PDS5B: variants seen among roughly 807,000 people sequenced by gnomAD.
PDS5B encodes the protein sister chromatid cohesion protein PDS5 homolog B.
In PDS5B, 51 loss-of-function variants were observed where a neutral mutation model predicts 184.1. The observed-to-expected ratio is 0.28, with a 90% CI of 0.22 to 0.35. The LOEUF (loss-of-function observed/expected upper bound fraction) is 0.35, where lower values mean the gene tolerates loss of function less well. Ranked by LOEUF, PDS5B falls within the 10% of genes least tolerant of loss-of-function variation. PDS5B has a pLI of 1.00. For synonymous variants in PDS5B, 566 were observed against 569.2 expected (o/e 0.99, Z 0.08); for missense variants, 1,180 against 1,723.3 (o/e 0.68, Z 5.58).
chr13:32,615,467 T>C (rs1490591713), intron 1 of PDS5B, among the ~76,000 whole-genome samples: 1 of 152,198 alleles, frequency 6.6e-6, no homozygotes, highest in Non-Finnish European at 1.5e-5. Flanking sequence ...CATAATTTAT[T>C]ATATAAAGCA....
At chr13:32,598,770 C>CTTTTTTTT (rs756301581) in intron 1 of PDS5B, among the ~76,000 whole-genome samples, 4 of 126,362 alleles carry the variant, frequency 3.2e-5, no homozygotes, top group African/African-American at 5.9e-5. Flanking sequence ...TTTTTTCTCT[C>CTTTTTTTT]TTTTTTTTTT....
At chr13:32,639,587 G>A (rs408711) in intron 1 of PDS5B, among the ~76,000 whole-genome samples, 36,398 of 152,054 alleles carry the variant, frequency 0.24, 4,676 homozygotes, top group East Asian at 0.37. Flanking sequence ...TTTACTTAGC[G>A]TTTTTTCTCG....
chr13:32,618,319 A>C (rs1286937335), intron 1 of PDS5B, among the ~76,000 whole-genome samples: 1 of 152,238 alleles, frequency 6.6e-6, no homozygotes, highest in African/African-American at 2.4e-5. Context: ...CAGTGATTTC[A>C]GTTACCAGTG....
At position 32,755,829 on chromosome 13, in the gene PDS5B, T is replaced by A; in HGVS notation, c.2942-13T>A. 6 of 1,177,044 alleles carry A rather than the reference T, an allele frequency of 5.1e-6. No homozygotes were observed. Among genetic ancestry groups the A allele is most frequent in the Non-Finnish European group, 7.2e-6 (6 of 828,284 alleles). The allele number at this position is 1,177,044 out of a possible 1,614,324, so 72.9% of individuals were successfully genotyped here. ...TTGTTTTTTTTTGTTTGTTTGTTTG[T>A]TTTCTTTTTCAGAAAAATTATTGTC... On this transcript the variant is annotated splice_polypyrimidine_tract_variant and intron_variant, in intron 25 of 34. Coordinates refer to ENST00000315596, the MANE Select transcript of PDS5B (RefSeq NM_015032.4).
intron 10 of PDS5B, among the ~76,000 whole-genome samples, chr13:32,679,482 A>C (rs900960852): frequency 6.6e-6 from 1 of 152,180 alleles, no homozygotes; most frequent in East Asian, 1.9e-4. Context: ...CTAAAAATAC[A>C]AAAATTAGCT....
At chr13:32,714,912 A>G (rs1952326497) in intron 19 of PDS5B, among the ~76,000 whole-genome samples, 1 of 152,244 alleles carries the variant, frequency 6.6e-6, no homozygotes, top group Non-Finnish European at 1.5e-5. Flanking sequence ...GGAAATCACA[A>G]GAGTATTGAT....
Position 32,655,196 on chromosome 13 carries a change from T to G in PDS5B, c.313-3043T>G, listed in dbSNP as rs1391088118. ...TGCAACCTTGCCAGCATCTGTCATTTTTTTTTTGACTTTTTAACAATAGCC... is the reference window on the plus strand; with the variant it reads ...TGCAACCTTGCCAGCATCTGTCATTGTTTTTTTGACTTTTTAACAATAGCC... On this transcript the variant is annotated intron_variant, in intron 3 of 34. Transcript: ENST00000315596. 6.0e-5 allele frequency among the ~76,000 whole-genome samples: 9 copies of G among 150,864 alleles called. No homozygotes were observed. In the East Asian group the frequency reaches 1.8e-3, roughly 29 times the overall value.
intron 31 of PDS5B, among the ~76,000 whole-genome samples, chr13:32,767,688 C>T (rs1954628173): frequency 6.6e-6 from 1 of 151,852 alleles, no homozygotes; most frequent in Non-Finnish European, 1.5e-5. Context: ...TAGGGAGGAC[C>T]TATATGTAGA....
At chr13:32,610,341 T>C (rs1489931691) in intron 1 of PDS5B, among the ~76,000 whole-genome samples, 3 of 152,250 alleles carry the variant, frequency 2.0e-5, no homozygotes, top group Admixed American at 2.0e-4. Context: ...TCTAATGATA[T>C]TCTCTGAAAG....
chr13:32,592,256 G>T (rs1308165859), intron 1 of PDS5B, among the ~76,000 whole-genome samples: 4 of 152,006 alleles, frequency 2.6e-5, no homozygotes, highest in African/African-American at 7.2e-5. Context: ...CTTAGTTTTT[G>T]GTTTTCTTTT....
chr13:32,656,924 C>G (rs898325426), intron 3 of PDS5B, among the ~76,000 whole-genome samples: 1 of 152,154 alleles, frequency 6.6e-6, no homozygotes, highest in Non-Finnish European at 1.5e-5. Flanking sequence ...TGGCTGTCAA[C>G]TTCAACATAT....
chr13:32,623,169 C>T (rs1445625228), intron 1 of PDS5B, among the ~76,000 whole-genome samples: 2 of 152,132 alleles, frequency 1.3e-5, no homozygotes, highest in African/African-American at 4.8e-5. Context: ...CCCTGTGTGG[C>T]ATCAGTTGGT....
intron 19 of PDS5B, among the ~76,000 whole-genome samples, chr13:32,722,743 A>G (rs1227491587): frequency 2.9e-4 from 44 of 152,242 alleles, no homozygotes; most frequent in Non-Finnish European, 1.5e-5. Flanking sequence ...GGAAGCAGCT[A>G]CTACCTCTAG....
chr13:32,652,160 T>A lies in PDS5B; in HGVS notation c.312+153T>A, dbSNP rs79497741. The A allele has an allele frequency of 5.2e-4, 310 of 591,540 alleles. No individual in the cohort carries two copies. In the African/African-American group the frequency reaches 5.4e-3, roughly 10 times the overall value. The allele number at this position is 591,540 out of a possible 1,614,324, so 36.6% of individuals were successfully genotyped here. A position where few individuals can be genotyped will look rare whatever the true frequency, so the allele number is the denominator to read the frequency against. ...TAAACTTAATGTTTTTTTTTTTTTT[T>A]AGAACTTATTTTTGAAAAACTTTCT... On this transcript the variant is annotated intron_variant, in intron 3 of 34. Transcript: ENST00000315596.
chr13:32,635,960 G>T (rs1426036072), intron 1 of PDS5B, among the ~76,000 whole-genome samples: 4 of 151,480 alleles, frequency 2.6e-5, no homozygotes, highest in Non-Finnish European at 5.9e-5. Context: ...TAGTAGAGAC[G>T]GGGTTTCACC....
At chr13:32,648,030 C>T (rs1950271449) in intron 1 of PDS5B, among the ~76,000 whole-genome samples, 1 of 152,212 alleles carries the variant, frequency 6.6e-6, no homozygotes, top group East Asian at 1.9e-4. Flanking sequence ...TAGGTCATGT[C>T]AGCCCCAGCA....
At chr13:32,651,402 A>G (rs1176649352) in intron 2 of PDS5B, among the ~76,000 whole-genome samples, 1 of 152,146 alleles carries the variant, frequency 6.6e-6, no homozygotes, top group East Asian at 1.9e-4. Context: ...TTAGGCATAT[A>G]CTTTTTCTTC....
intron 23 of PDS5B, among the ~76,000 whole-genome samples, chr13:32,745,565 C>T (rs754694323): frequency 6.6e-6 from 1 of 152,158 alleles, no homozygotes; most frequent in Non-Finnish European, 1.5e-5. Flanking sequence ...TTATAAACAA[C>T]AGAAATTTAT....
At chr13:32,765,591 T>C (rs544964694) in intron 31 of PDS5B, among the ~76,000 whole-genome samples, 5 of 152,264 alleles carry the variant, frequency 3.3e-5, no homozygotes, top group Admixed American at 1.3e-4. Flanking sequence ...GAAAGAATTA[T>C]TCTTTTTTGT....
Sources: gnomAD v4.1 joint callset for allele counts (sites outside exome capture counted in the v4.1 genomes callset) on GRCh38, gnomAD v4.1.1 for gene constraint, MANE v1.5 for transcripts, NCBI Gene and HGNC (gene_info 2026-07-23, HGNC 2026-07-21) for gene names.